Variants in AFMID observed in about 807,000 individuals in gnomAD.
AFMID encodes the protein kynurenine formamidase.
AFMID carries 39 observed loss-of-function variants against 47.5 expected under a neutral mutation model. The ratio of observed to expected loss-of-function variants is 0.82; its 90% CI spans 0.64 to 1.07. AFMID has a LOEUF of 1.07. Ranked by LOEUF, AFMID falls within the 50% of genes least tolerant of loss-of-function variation. AFMID has a pLI of 0.00. For missense variants in AFMID, 375 were observed against 387.5 expected, an observed-to-expected ratio of 0.97 and a Z score of 0.27; for synonymous variants, 130 against 153.2, an observed-to-expected ratio of 0.85 and a Z score of 1.12.
intron 1 of AFMID, 159 bp from the exon 2 acceptor site, chr17:78,190,811 T>C: frequency 1.7e-6 from 1 of 605,834 alleles, no homozygotes; most frequent in Non-Finnish European, 2.9e-6. Flanking sequence ...CGGTCGCTGG[T>C]ATACCTCTAG....
chr17:78,206,895 TCTC>T lies in AFMID; in HGVS notation c.886-15_886-13del, dbSNP rs775864659. 1 of 1,613,856 alleles carries T rather than the reference TCTC, an allele frequency of 6.2e-7. No homozygotes were observed. The highest frequency in any genetic ancestry group is 8.5e-7 in the Non-Finnish European group (1 of 1,179,870). On this transcript the variant is annotated splice_polypyrimidine_tract_variant and intron_variant, in intron 10 of 10. Coordinates refer to ENST00000409257, the MANE Select transcript of AFMID (RefSeq NM_001010982.5). ...CTCTGATTCTGGGGCTTTTGTGTCT[TCTC>T]TTCCTGTTCCAGATTATCTTGAAAA...
rs972538725 is a variant in AFMID at position 78,205,735 on chromosome 17, C to G, written c.777C>G (p.Tyr259Ter). 2 of 1,608,666 alleles carry G rather than the reference C, an allele frequency of 1.2e-6. No homozygotes were observed. The highest frequency in any genetic ancestry group is 2.7e-5 in the African/African-American group (2 of 74,938). ...TCCACCGACAGTCCTGGGAGTTTTA[C>G]CAGGTACTCCCAGTGCAGGTTTGTG... ...PEFHRQSWEFYQTLCQGEWKA... is the reference protein window; with the variant it reads ...PEFHRQSWEF The change falls in exon 9 of 11, where the codon TAC becomes TAG. Residue 259 changes from tyrosine to a stop codon, truncating the protein, a stop_gained. Transcript: ENST00000409257. LOFTEE classifies it high-confidence loss of function.
Position 78,204,857 on chromosome 17 carries a change from AC to A in AFMID, c.427del (p.Arg143AlafsTer30). On this transcript the variant is annotated frameshift_variant, in exon 6 of 11. Coordinates refer to ENST00000409257, the MANE Select transcript of AFMID (RefSeq NM_001010982.5). LOFTEE classifies it high-confidence loss of function. ...CCTGGACCACATGGTAGACCAGGTGACCCGCAGCGTTGCGTTTGTCCAGAAG... is the reference window on the plus strand; with the variant it reads ...CCTGGACCACATGGTAGACCAGGTGACCGCAGCGTTGCGTTTGTCCAGAAG... ...GTLDHMVDQV[T>X]RSVAFVQKRY... 2 of 1,614,190 alleles carry A rather than the reference AC, an allele frequency of 1.2e-6. No homozygotes were observed. The highest frequency in any genetic ancestry group is 1.7e-6 in the Non-Finnish European group (2 of 1,180,036).
chr17:78,202,274 T>A (rs982136862), intron 2 of AFMID, among the ~76,000 whole-genome samples: 2 of 149,708 alleles, frequency 1.3e-5, no homozygotes, highest in African/African-American at 2.4e-5. Flanking sequence ...TATATATATA[T>A]AAAAATTAGC....
intron 2 of AFMID, 37 bp downstream of exon 2, chr17:78,191,097 C>A: frequency 6.4e-7 from 1 of 1,567,252 alleles, no homozygotes; most frequent in South Asian, 1.1e-5. Context: ...CATTGGGTGT[C>A]CTTAAGCATG....
intron 2 of AFMID, chr17:78,192,558 C>T (rs2075999868): frequency 8.7e-6 from 4 of 459,476 alleles, no homozygotes; most frequent in Non-Finnish European, 1.8e-5. Flanking sequence ...AGGTCATCCA[C>T]CTGCCTCGGC....
At chr17:78,205,072 C>G (rs1425671251) in intron 6 of AFMID, 21 bp from the exon 7 acceptor site, 2 of 1,598,814 alleles carry the variant, frequency 1.3e-6, no homozygotes, top group Admixed American at 3.5e-5. Context: ...AAATCCAGCT[C>G]TCTGCTCTGA....
chr17:78,187,708 T>A (rs1180633877), intron 1 of AFMID, among the ~76,000 whole-genome samples: 1 of 152,096 alleles, frequency 6.6e-6, no homozygotes, highest in African/African-American at 2.4e-5. Context: ...GGCTCACACC[T>A]GTAATCCTAG....
At chr17:78,203,024 T>G in intron 4 of AFMID, 4 of 365,898 alleles carry the variant, frequency 1.1e-5, no homozygotes, top group Non-Finnish European at 2.0e-5. Flanking sequence ...CATGTGATCC[T>G]GGTGTTCCTG....
chr17:78,193,603 G>A (rs1209996315), intron 2 of AFMID, among the ~76,000 whole-genome samples: 1 of 150,808 alleles, frequency 6.6e-6, no homozygotes, highest in African/African-American at 2.4e-5. Context: ...TCCCAGTACT[G>A]TGGGAGGTCA....
intron 2 of AFMID, among the ~76,000 whole-genome samples, chr17:78,200,452 C>A (rs1396960495): frequency 6.6e-6 from 1 of 152,200 alleles, no homozygotes; most frequent in Non-Finnish European, 1.5e-5. Flanking sequence ...GTTGGTATTT[C>A]CTTATTTGGA....
chr17:78,206,898 CTT>C lies in AFMID; in HGVS notation c.886-12_886-11del. 6.2e-7 allele frequency: 1 copy of C among 1,613,916 alleles called. No individual in the cohort carries two copies. Among genetic ancestry groups the C allele is most frequent in the East Asian group, 2.2e-5 (1 of 44,878 alleles). On this transcript the variant is annotated splice_polypyrimidine_tract_variant and intron_variant, in intron 10 of 10. Transcript: ENST00000409257. ...TGATTCTGGGGCTTTTGTGTCTTCT[CTT>C]CCTGTTCCAGATTATCTTGAAAACA...
intron 10 of AFMID, 54 bp from the exon 11 acceptor site, chr17:78,206,857 C>A: frequency 6.2e-7 from 1 of 1,602,192 alleles, no homozygotes; most frequent in Non-Finnish European, 8.5e-7. Flanking sequence ...AATCAAATTC[C>A]TGCAAAGAGC....
chr17:78,193,025 T>A (rs1200543605), intron 2 of AFMID, among the ~76,000 whole-genome samples: 1 of 152,134 alleles, frequency 6.6e-6, no homozygotes, highest in Non-Finnish European at 1.5e-5. Flanking sequence ...TCAGCTCTGA[T>A]CCAAATTCAT....
intron 2 of AFMID, among the ~76,000 whole-genome samples, chr17:78,197,878 G>A (rs2076152257): frequency 1.3e-5 from 2 of 152,114 alleles, no homozygotes; most frequent in Non-Finnish European, 2.9e-5. Flanking sequence ...CAGACTTTGG[G>A]AAACCAAAGC....
chr17:78,202,155 T>C (rs1468148227), intron 2 of AFMID, among the ~76,000 whole-genome samples: 7 of 151,430 alleles, frequency 4.6e-5, no homozygotes, highest in Non-Finnish European at 8.8e-5. Flanking sequence ...CTGGGCACAG[T>C]GGCTCATGCC....
chr17:78,198,698 G>C (rs1313505845), intron 2 of AFMID, among the ~76,000 whole-genome samples: 1 of 151,634 alleles, frequency 6.6e-6, no homozygotes, highest in Non-Finnish European at 1.5e-5. Context: ...AATCCCAGCT[G>C]CTCAGAAGGA....
At chr17:78,191,264 T>G (rs1377257266) in intron 2 of AFMID, among the ~76,000 whole-genome samples, 1 of 151,764 alleles carries the variant, frequency 6.6e-6, no homozygotes, top group East Asian at 1.9e-4. Flanking sequence ...GCAGGAGAGG[T>G]CCGGGGGAGG....
At chr17:78,187,960 C>CAAAAA (rs34018698) in intron 1 of AFMID, among the ~76,000 whole-genome samples, 18 of 56,676 alleles carry the variant, frequency 3.2e-4, no homozygotes, top group African/African-American at 1.2e-3. Context: ...GACTTAGTCT[C>CAAAAA]AAAAAAAAAA....
Sources: gnomAD v4.1 joint callset for allele counts (sites outside exome capture counted in the v4.1 genomes callset) on GRCh38, gnomAD v4.1.1 for gene constraint, MANE v1.5 for transcripts, NCBI Gene and HGNC (gene_info 2026-07-23, HGNC 2026-07-21) for gene names.